Variants in RTKN2 observed in about 807,000 individuals in gnomAD.
RTKN2 encodes the protein rhotekin-2.
A neutral mutation model predicts 71.5 loss-of-function variants in RTKN2; 69 were observed. The observed-to-expected ratio is 0.96, with a 90% CI of 0.79 to 1.18. The LOEUF is 1.18. Among genes scored for constraint, RTKN2 ranks in the 50% most tolerant of loss-of-function variants. The probability of loss-of-function intolerance (pLI) is 0.00; values close to 1 mark genes in which losing one functional copy is unlikely to be tolerated. For synonymous variants in RTKN2, 236 were observed against 236.5 expected, an observed-to-expected ratio of 1.00 and a Z score of 0.02; for missense variants, 724 against 719.7, an observed-to-expected ratio of 1.01 and a Z score of -0.07.
intron 10 of RTKN2, among the ~76,000 whole-genome samples, chr10:62,202,571 G>T (rs1350712326): frequency 6.6e-6 from 1 of 152,096 alleles, no homozygotes; most frequent in Non-Finnish European, 1.5e-5. Flanking sequence ...AAATGTAATA[G>T]AATTTGTACT....
downstream of RTKN2, among the ~76,000 whole-genome samples, chr10:62,190,996 T>G (rs1173514968): frequency 1.3e-5 from 2 of 152,208 alleles, no homozygotes; most frequent in Non-Finnish European, 2.9e-5. Context: ...TCCCTTTGAA[T>G]GCTGCAAAAT....
Position 62,193,409 on chromosome 10 carries a change from A to G in RTKN2, c.*4499T>C. 1 of 980,734 alleles carries G rather than the reference A, an allele frequency of 1.0e-6. No homozygotes were observed. The highest frequency in any genetic ancestry group is 1.2e-6 in the Non-Finnish European group (1 of 825,628). The allele number at this position is 980,734 out of a possible 1,614,324, so 60.8% of individuals were successfully genotyped here. On this transcript the variant is annotated 3_prime_UTR_variant, in exon 12 of 12. Coordinates refer to ENST00000373789, the MANE Select transcript of RTKN2 (RefSeq NM_145307.4). ...CGTGTCAGCATTAGTATTTTCTCCCATACTCAGATAAAGAAAAATGTTTGT... is the reference window on the plus strand; with the variant it reads ...CGTGTCAGCATTAGTATTTTCTCCCGTACTCAGATAAAGAAAAATGTTTGT...
chr10:62,227,886 C>T (rs1842063222), intron 6 of RTKN2, among the ~76,000 whole-genome samples: 1 of 152,020 alleles, frequency 6.6e-6, no homozygotes, highest in South Asian at 2.1e-4. Flanking sequence ...GATGTGAAAG[C>T]AGGGAGAGAA....
intron 7 of RTKN2, among the ~76,000 whole-genome samples, chr10:62,221,450 G>A (rs761926977): frequency 9.2e-5 from 14 of 151,858 alleles, no homozygotes; most frequent in Non-Finnish European, 1.6e-4. Context: ...TATTAAATAC[G>A]AAAGGACTAA....
intron 6 of RTKN2, among the ~76,000 whole-genome samples, chr10:62,227,249 A>G (rs1234981622): frequency 6.6e-6 from 1 of 152,188 alleles, no homozygotes; most frequent in Admixed American, 6.5e-5. Flanking sequence ...AGAAAAATAT[A>G]TAATTGTATC....
At chr10:62,224,170 G>C (rs908471326) in intron 6 of RTKN2, among the ~76,000 whole-genome samples, 3 of 152,042 alleles carry the variant, frequency 2.0e-5, no homozygotes, top group African/African-American at 4.8e-5. Context: ...ATGGAATCTA[G>C]AATGGTGGCT....
At chr10:62,249,842 C>T (rs926563995) in intron 2 of RTKN2, among the ~76,000 whole-genome samples, 1 of 152,022 alleles carries the variant, frequency 6.6e-6, no homozygotes, top group African/African-American at 2.4e-5. Flanking sequence ...TATTTTTGGC[C>T]TCAGTATTTA....
rs1841253063 is a variant in RTKN2, at chr10:62,193,259, G to A, written c.*4649C>T. The A allele has an allele frequency of 2.1e-6, 2 of 960,672 alleles. No homozygotes were observed. Among genetic ancestry groups the A allele is most frequent in the African/African-American group, 3.5e-5 (2 of 56,628 alleles). 59.5% of individuals were successfully genotyped at this position (960,672 alleles called of 1,614,324 possible). A position where few individuals can be genotyped will look rare whatever the true frequency, so the allele number is the denominator to read the frequency against. ...ATCTGACATAATTATGTATATACAA[G>A]ATCTTTTCAATCTACCTCTCCTTTA... On this transcript the variant is annotated 3_prime_UTR_variant, in exon 12 of 12. Transcript: ENST00000373789.
At chr10:62,267,115 G>A (rs1842881705) in intron 1 of RTKN2, among the ~76,000 whole-genome samples, 1 of 152,134 alleles carries the variant, frequency 6.6e-6, no homozygotes, top group Non-Finnish European at 1.5e-5. Context: ...ATTCCTGTTA[G>A]GTTGCAACCT....
chr10:62,228,862 C>T (rs999373380), intron 6 of RTKN2, among the ~76,000 whole-genome samples: 15 of 152,096 alleles, frequency 9.9e-5, no homozygotes, highest in Non-Finnish European at 2.9e-5. Context: ...TCAGTAATAC[C>T]AATGACATAT....
rs914293449 is a variant in RTKN2 at position 62,195,731 on chromosome 10, G to A, written c.*2177C>T. On this transcript the variant is annotated 3_prime_UTR_variant, in exon 12 of 12. Coordinates refer to ENST00000373789, the MANE Select transcript of RTKN2 (RefSeq NM_145307.4). ...TAAGGGGTAAATTAGCATTTCAGGAGCTGAAGACACCAGACCCATTTCAAA... is the reference window on the plus strand; with the variant it reads ...TAAGGGGTAAATTAGCATTTCAGGAACTGAAGACACCAGACCCATTTCAAA... 12 of 985,218 alleles carry A rather than the reference G, an allele frequency of 1.2e-5. No individual in the cohort carries two copies. In the African/African-American group the frequency reaches 1.7e-4, roughly 14 times the overall value. The allele number at this position is 985,218 out of a possible 1,614,324, so 61.0% of individuals were successfully genotyped here.
chr10:62,230,246 A>G (rs1842120545), intron 6 of RTKN2, among the ~76,000 whole-genome samples: 1 of 152,034 alleles, frequency 6.6e-6, no homozygotes, highest in Non-Finnish European at 1.5e-5. Context: ...ATCTCAGCTC[A>G]CTGCAACCTC....
intron 3 of RTKN2, among the ~76,000 whole-genome samples, chr10:62,243,951 T>C (rs1319145380): frequency 6.6e-6 from 1 of 152,296 alleles, no homozygotes; most frequent in East Asian, 1.9e-4. Context: ...ATTACCACAA[T>C]ATAATTACGG....
Position 62,267,733 on chromosome 10 carries a change from G to A in RTKN2, c.60+818C>T, listed in dbSNP as rs562392327. On this transcript the variant is annotated intron_variant, in intron 1 of 11. Transcript: ENST00000373789. ...TCTACCAATTTTGACCTACAAAACT[G>A]GCAATTTCATATGGCTTAACCTATT... Among the ~76,000 whole-genome samples, 402 of 152,188 alleles carry A rather than the reference G, an allele frequency of 2.6e-3. 7 individuals carry two copies. Among genetic ancestry groups the A allele is most frequent in the Middle Eastern group, 0.02 (6 of 294 alleles).
chr10:62,255,707 T>G (rs891345106), intron 2 of RTKN2, among the ~76,000 whole-genome samples: 1 of 152,182 alleles, frequency 6.6e-6, no homozygotes, highest in Non-Finnish European at 1.5e-5. Flanking sequence ...CACAGATTAT[T>G]TATGAACTGC....
At chr10:62,249,185 GGA>G (rs1385185203) in intron 2 of RTKN2, among the ~76,000 whole-genome samples, 1 of 152,030 alleles carries the variant, frequency 6.6e-6, no homozygotes, top group Non-Finnish European at 1.5e-5. Flanking sequence ...AAACACTGGA[GGA>G]TGAGAGAGTA....
At chr10:62,218,587 T>C in intron 7 of RTKN2, among the ~76,000 whole-genome samples, 1 of 144,564 alleles carries the variant, frequency 6.9e-6, no homozygotes, top group Non-Finnish European at 1.5e-5. Context: ...TTGATTTTAA[T>C]TATTCAATGA....
At chr10:62,200,622 G>A (rs1490670967) in intron 10 of RTKN2, among the ~76,000 whole-genome samples, 3 of 151,878 alleles carry the variant, frequency 2.0e-5, no homozygotes, top group Admixed American at 6.6e-5. Flanking sequence ...AAAACATAAA[G>A]GAGTGAGGTT....
At chr10:62,244,177 A>T (rs1253620603) in intron 3 of RTKN2, among the ~76,000 whole-genome samples, 1 of 152,210 alleles carries the variant, frequency 6.6e-6, no homozygotes, top group Non-Finnish European at 1.5e-5. Context: ...CCCAATATCA[A>T]GAAAAAATGG....
Sources: allele counts gnomAD v4.1 joint callset (sites outside exome capture counted in the v4.1 genomes callset), GRCh38; gene constraint gnomAD v4.1.1; transcripts MANE v1.5; gene names NCBI Gene and HGNC (gene_info 2026-07-23, HGNC 2026-07-21).